The following NDUFS4 variants were observed in gnomAD, a reference collection of about 807,000 sequenced individuals.
NDUFS4 encodes NADH dehydrogenase [ubiquinone] iron-sulfur protein 4, mitochondrial.
NDUFS4 carries 28 observed loss-of-function variants against 24.3 expected under a neutral mutation model. The observed-to-expected ratio is 1.15, with a 90% CI of 0.85 to 1.58. The LOEUF (loss-of-function observed/expected upper bound fraction) is 1.58, where lower values mean the gene tolerates loss of function less well. NDUFS4 is among the 40% of genes most tolerant of loss of function. The pLI is 0.00. For missense variants in NDUFS4, 223 were observed against 207.9 expected (o/e 1.07, Z -0.45); for synonymous variants, 93 against 69.7 (o/e 1.34, Z -1.67).
chr5:53,580,226 T>A (rs1247237709), intron 1 of NDUFS4, among the ~76,000 whole-genome samples: 1 of 152,194 alleles, frequency 6.6e-6, no homozygotes, highest in Non-Finnish European at 1.5e-5. Context: ...ACTTAAGAAA[T>A]TCAACACATA....
chr5:53,577,916 C>G (rs1749438358), intron 1 of NDUFS4, among the ~76,000 whole-genome samples: 1 of 152,120 alleles, frequency 6.6e-6, no homozygotes. Context: ...AATTTGGTAT[C>G]CTAGATGATC....
chr5:53,563,251 AAAAG>A (rs1236290709), intron 1 of NDUFS4, among the ~76,000 whole-genome samples: 3 of 149,038 alleles, frequency 2.0e-5, no homozygotes, highest in Non-Finnish European at 4.5e-5. Flanking sequence ...AAAAAAAAAA[AAAAG>A]AAAAGGAAGG....
At chr5:53,617,606 C>G (rs1019691782) in intron 2 of NDUFS4, among the ~76,000 whole-genome samples, 3 of 151,988 alleles carry the variant, frequency 2.0e-5, no homozygotes, top group Non-Finnish European at 4.4e-5. Flanking sequence ...CTTCTTCTTT[C>G]TCTCACTTTC....
At position 53,584,917 on chromosome 5, in the gene NDUFS4, G is replaced by A. The variant is rs116172170; in HGVS notation, c.99-18535G>A. On this transcript the variant is annotated intron_variant, in intron 1 of 4. Coordinates refer to ENST00000296684, the MANE Select transcript of NDUFS4 (RefSeq NM_002495.4). ...CAAGTAGCTGGGATTACAGGTGTAC[G>A]CCACCACACCCAGCTAGTTTTTCTA... 8.6e-5 allele frequency among the ~76,000 whole-genome samples: 13 copies of A among 151,898 alleles called. No individual in the cohort carries two copies. The South Asian group carries it at 1.2e-3, about 15-fold the overall frequency.
chr5:53,567,246 A>G (rs1026108876), intron 1 of NDUFS4, among the ~76,000 whole-genome samples: 5 of 152,164 alleles, frequency 3.3e-5, no homozygotes, highest in Middle Eastern at 3.2e-3. Flanking sequence ...CTAAATGAAT[A>G]TGTTCACTTT....
At chr5:53,613,662 GAA>G (rs569224230) in intron 2 of NDUFS4, among the ~76,000 whole-genome samples, 137 of 121,086 alleles carry the variant, frequency 1.1e-3, no homozygotes, top group African/African-American at 3.9e-3. Context: ...ACAAGCTATT[GAA>G]AAAAAAAAAA....
intron 4 of NDUFS4, among the ~76,000 whole-genome samples, chr5:53,672,339 T>TA (rs1231717685): frequency 1.3e-5 from 2 of 152,134 alleles, no homozygotes; most frequent in East Asian, 1.9e-4. Flanking sequence ...AGGCAGGTGT[T>TA]ACAACCAGTT....
chr5:53,656,249 G>C (rs1752159038), intron 3 of NDUFS4, among the ~76,000 whole-genome samples: 1 of 149,954 alleles, frequency 6.7e-6, no homozygotes, highest in Non-Finnish European at 1.5e-5. Flanking sequence ...TCTGGTCTCT[G>C]AAAATTATTT....
At chr5:53,662,673 G>T (rs1249909980) in intron 4 of NDUFS4, among the ~76,000 whole-genome samples, 1 of 152,078 alleles carries the variant, frequency 6.6e-6, no homozygotes, top group Non-Finnish European at 1.5e-5. Context: ...CAATTTCAGA[G>T]CCTGTTATTG....
At chr5:53,627,752 A>G (rs573824664) in intron 2 of NDUFS4, among the ~76,000 whole-genome samples, 1 of 152,326 alleles carries the variant, frequency 6.6e-6, no homozygotes, top group South Asian at 2.1e-4. Context: ...ACTTTGCTGA[A>G]GTTGCTTATC....
chr5:53,600,290 C>T (rs557761939), intron 1 of NDUFS4, among the ~76,000 whole-genome samples: 8 of 151,120 alleles, frequency 5.3e-5, no homozygotes, highest in Middle Eastern at 3.5e-3. Flanking sequence ...TGAGCCGGCC[C>T]GCCCGGCCTA....
chr5:53,573,768 A>AC (rs2112417905), intron 1 of NDUFS4: 1 of 217,632 alleles, frequency 4.6e-6, no homozygotes, highest in East Asian at 1.6e-4. Flanking sequence ...TTCTTATTTT[A>AC]TTTTTTTGTA....
At chr5:53,675,428 C>G (rs182129504) in intron 4 of NDUFS4, among the ~76,000 whole-genome samples, 1 of 152,148 alleles carries the variant, frequency 6.6e-6, no homozygotes, top group African/African-American at 2.4e-5. Flanking sequence ...TCCCAAAGTG[C>G]TGGGATTACA....
intron 2 of NDUFS4, among the ~76,000 whole-genome samples, chr5:53,645,397 T>C (rs1751832354): frequency 6.6e-6 from 1 of 152,018 alleles, no homozygotes. Flanking sequence ...AATGGAACAC[T>C]AGGAATAAAT....
At chr5:53,606,539 G>A (rs10039532) in intron 2 of NDUFS4, among the ~76,000 whole-genome samples, 1 of 152,086 alleles carries the variant, frequency 6.6e-6, no homozygotes, top group African/African-American at 2.4e-5. Flanking sequence ...GCTAGTTTTT[G>A]TACTTTTAGT....
chr5:53,653,212 A>G (rs1226388026), intron 3 of NDUFS4, among the ~76,000 whole-genome samples: 3 of 152,134 alleles, frequency 2.0e-5, no homozygotes, highest in African/African-American at 7.2e-5. Context: ...GGAAACAAGG[A>G]TTTGTTCCAT....
intron 4 of NDUFS4, among the ~76,000 whole-genome samples, chr5:53,666,189 C>T (rs1019052564): frequency 1.3e-5 from 2 of 152,110 alleles, no homozygotes; most frequent in Admixed American, 1.3e-4. Context: ...ATCTTTTCAG[C>T]CTATTATATT....
At chr5:53,670,448 T>C (rs1752632576) in intron 4 of NDUFS4, among the ~76,000 whole-genome samples, 1 of 151,946 alleles carries the variant, frequency 6.6e-6, no homozygotes, top group Non-Finnish European at 1.5e-5. Flanking sequence ...AAAAAAAGTA[T>C]CTCAATTTTT....
chr5:53,573,154 T>G (rs1400188341), intron 1 of NDUFS4, among the ~76,000 whole-genome samples: 2 of 151,772 alleles, frequency 1.3e-5, no homozygotes, highest in African/African-American at 4.8e-5. Flanking sequence ...ATATTTTTTT[T>G]GTAGACATGG....
Sources: gnomAD v4.1 joint callset for allele counts (sites outside exome capture counted in the v4.1 genomes callset) on GRCh38, gnomAD v4.1.1 for gene constraint, MANE v1.5 for transcripts, NCBI Gene and HGNC (gene_info 2026-07-23, HGNC 2026-07-21) for gene names.